Variants in CELSR1 observed in about 807,000 individuals in gnomAD.
CELSR1 encodes adhesion G protein-coupled receptor C1.
A neutral mutation model predicts 249.1 loss-of-function variants in CELSR1; 110 were observed. The observed-to-expected ratio is 0.44, with a 90% CI of 0.38 to 0.52. The LOEUF is 0.52. Ranked by LOEUF, CELSR1 falls within the 20% of genes least tolerant of loss-of-function variation. The pLI is 0.00. For synonymous variants in CELSR1, 2,113 were observed against 1,900.0 expected (o/e 1.11, Z -2.92); for missense variants, 4,109 against 4,296.4 (o/e 0.96, Z 1.22).
intron 1 of CELSR1, among the ~76,000 whole-genome samples, chr22:46,514,089 G>A (rs905926857): frequency 8.6e-5 from 13 of 151,942 alleles, no homozygotes; most frequent in African/African-American, 1.5e-4. Context: ...CACCGCACCC[G>A]GCCCTCATTT....
rs1414204394 is a variant in CELSR1, at chr22:46,381,499, G to A, written c.7088+347C>T. On this transcript the variant is annotated intron_variant, in intron 21 of 34. Transcript: ENST00000674500. The surrounding 1 kb of genome is among the most constrained non-coding windows in gnomAD (Gnocchi z 6.0). ...CTGAGCAGACCTAACCCCGGGGCCA[G>A]CAGCAGGCACTACCCATGACAGCCT... 6.6e-6 allele frequency among the ~76,000 whole-genome samples: 1 copy of A among 152,214 alleles called. No homozygotes were observed. The highest frequency in any genetic ancestry group is 1.9e-4 in the East Asian group (1 of 5,200).
intron 1 of CELSR1, among the ~76,000 whole-genome samples, chr22:46,479,115 A>T (rs2080240360): frequency 6.6e-6 from 1 of 150,806 alleles, no homozygotes; most frequent in Non-Finnish European, 1.5e-5. Context: ...CACTATCTCC[A>T]TCTTCCTCTT....
At chr22:46,523,133 A>G (rs2080702539) in intron 1 of CELSR1, among the ~76,000 whole-genome samples, 1 of 152,264 alleles carries the variant, frequency 6.6e-6, no homozygotes, top group African/African-American at 2.4e-5. Context: ...AGTTGCTGTT[A>G]GTTTACTTTA....
At chr22:46,483,057 C>G (rs745987214) in intron 1 of CELSR1, among the ~76,000 whole-genome samples, 3 of 152,154 alleles carry the variant, frequency 2.0e-5, no homozygotes, top group Non-Finnish European at 2.9e-5. Flanking sequence ...CTACCTCACA[C>G]CAAGCACAAA....
chr22:46,453,814 G>A (rs984631477), intron 2 of CELSR1, among the ~76,000 whole-genome samples: 7 of 152,198 alleles, frequency 4.6e-5, no homozygotes, highest in Non-Finnish European at 4.4e-5. Context: ...CCACAGCGCC[G>A]ATGGTGGGAC....
At chr22:46,414,345 G>A (rs1373427278) in intron 5 of CELSR1, among the ~76,000 whole-genome samples, 3 of 152,232 alleles carry the variant, frequency 2.0e-5, no homozygotes, top group African/African-American at 7.2e-5. Flanking sequence ...TGGAGAGCTG[G>A]AAGAACCAGC....
rs1463116971 is a variant in CELSR1, at chr22:46,535,911, C to T, written c.1260G>A (p.Ala420=). The T allele has an allele frequency of 3.1e-6, 5 of 1,608,790 alleles. No homozygotes were observed. Among genetic ancestry groups the T allele is most frequent in the East Asian group, 2.2e-5 (1 of 44,840 alleles). The change falls in exon 1 of 35, where the codon GCG becomes GCA. Residue 420 remains alanine (A), a synonymous_variant. Transcript: ENST00000674500. Reference sequence around the variant, plus strand: ...CCTCCACCAGGAGCTGGTACTCGGCCGCCTCCTCCCGGTCCAGCACCGCCC... The same window carrying T: ...CCTCCACCAGGAGCTGGTACTCGGCTGCCTCCTCCCGGTCCAGCACCGCCC... The part of the protein sequence containing the change: ...STRAVLDREE[A]AEYQLLVEAN...
chr22:46,369,508 T>A (rs2078826898), intron 26 of CELSR1, among the ~76,000 whole-genome samples, 184 bp downstream of exon 26: 1 of 152,200 alleles, frequency 6.6e-6, no homozygotes, highest in Non-Finnish European at 1.5e-5. Context: ...ACGCGAGACC[T>A]GAATCCACGA....
chr22:46,514,932 G>C (rs2080611526), intron 1 of CELSR1, among the ~76,000 whole-genome samples: 1 of 152,146 alleles, frequency 6.6e-6, no homozygotes, highest in South Asian at 2.1e-4. Context: ...TTTGCAGCTG[G>C]CATCCGCTCC....
rs532388404 is a variant in CELSR1 at position 46,474,025 on chromosome 22, AGG to A, written c.3545-9682_3545-9681del. Among the ~76,000 whole-genome samples, 152 of 152,258 alleles carry A rather than the reference AGG, an allele frequency of 1.0e-3. 1 individual carries two copies. The highest frequency in any genetic ancestry group is 3.4e-3 in the African/African-American group (143 of 41,544). ...GCATGTCAGGATGTCAAGCCACGAGAGGAAGAGTGAGCCTCGGACCCAGGAGA... is the reference window on the plus strand; with the variant it reads ...GCATGTCAGGATGTCAAGCCACGAGAAAGAGTGAGCCTCGGACCCAGGAGA... On this transcript the variant is annotated intron_variant, in intron 1 of 34. Coordinates refer to ENST00000674500, the MANE Select transcript of CELSR1 (RefSeq NM_001378328.1).
rs540089721 is a variant in CELSR1, at chr22:46,515,084, G to A, written c.3544+18543C>T. On this transcript the variant is annotated intron_variant, in intron 1 of 34. Coordinates refer to ENST00000674500, the MANE Select transcript of CELSR1 (RefSeq NM_001378328.1). ...CTTCAGCCTGGGCTGAGAAAAGGCT[G>A]TCTGGCAGCGTGGACCCCCCTCAGC... 3.9e-5 allele frequency among the ~76,000 whole-genome samples: 6 copies of A among 151,956 alleles called. No individual in the cohort carries two copies. In the South Asian group the frequency reaches 1.2e-3, roughly 32 times the overall value.
chr22:46,474,729 C>G (rs918416212), intron 1 of CELSR1, among the ~76,000 whole-genome samples: 1 of 72,916 alleles, frequency 1.4e-5, no homozygotes, highest in African/African-American at 5.0e-5. Context: ...CTCCCCAACC[C>G]CCTCTTCCTC....
chr22:46,416,626 C>T (rs1602105636), intron 5 of CELSR1, among the ~76,000 whole-genome samples: 1 of 152,344 alleles, frequency 6.6e-6, no homozygotes, highest in African/African-American at 2.4e-5. Context: ...ATGCTCACTC[C>T]TGCAGCCACC....
intron 5 of CELSR1, among the ~76,000 whole-genome samples, chr22:46,418,714 G>T (rs372946751): frequency 1.4e-4 from 22 of 152,290 alleles, no homozygotes; most frequent in African/African-American, 5.1e-4. Context: ...AGTAATGCAC[G>T]GTGCTATTAG....
intron 1 of CELSR1, among the ~76,000 whole-genome samples, chr22:46,483,425 T>A (rs2080286429): frequency 7.8e-6 from 1 of 128,468 alleles, no homozygotes; most frequent in African/African-American, 2.9e-5. Context: ...AGCGTCTCGC[T>A]CTGTCACCCA....
intron 5 of CELSR1, among the ~76,000 whole-genome samples, chr22:46,418,609 A>G (rs1252449261): frequency 2.0e-5 from 3 of 152,250 alleles, no homozygotes; most frequent in Non-Finnish European, 4.4e-5. Flanking sequence ...CTGAACCCGC[A>G]GGCTCTTCTC....
chr22:46,514,064 A>G (rs187315483), intron 1 of CELSR1, among the ~76,000 whole-genome samples: 4 of 152,196 alleles, frequency 2.6e-5, no homozygotes, highest in Admixed American at 2.0e-4. Flanking sequence ...AAGTGCTGGT[A>G]TTACAGGCAC....
rs575200389 is a variant in CELSR1, at chr22:46,433,190, CTAATTTTT to C, written c.4611+195_4611+202del. Among the ~76,000 whole-genome samples, 254 of 152,242 alleles carry C rather than the reference CTAATTTTT, an allele frequency of 1.7e-3. 2 individuals are homozygous for C. The highest frequency in any genetic ancestry group is 5.7e-3 in the African/African-American group (237 of 41,540). On this transcript the variant is annotated intron_variant, in intron 5 of 34. Transcript: ENST00000674500. This position sits in a 1 kb window ranked among gnomAD's most constrained non-coding sequence, Gnocchi z 5.7. The stretch of plus-strand genomic sequence containing the variant: ...TACAGGCACCCGCCACCACGCCCGG[CTAATTTTT>C]TAATTTTTGTATTTTTGGTAGAGAC...
rs774168066 is a variant in CELSR1, at chr22:46,374,541, G to A, written c.7585-1484C>T. Among the ~76,000 whole-genome samples, 3 of 152,226 alleles carry A rather than the reference G, an allele frequency of 2.0e-5. No homozygotes were observed. The highest frequency in any genetic ancestry group is 4.4e-5 in the Non-Finnish European group (3 of 68,046). On this transcript the variant is annotated intron_variant, in intron 24 of 34. Transcript: ENST00000674500. This position sits in a 1 kb window ranked among gnomAD's most constrained non-coding sequence, Gnocchi z 4.3. Reference sequence around the variant, plus strand: ...CACTCTGCCAAGCCCCTAGAACGCTGCCGGGTCGCCCTTTCCTTCTCCATG... The same window carrying A: ...CACTCTGCCAAGCCCCTAGAACGCTACCGGGTCGCCCTTTCCTTCTCCATG...
Sources: gnomAD v4.1 joint callset for allele counts (sites outside exome capture counted in the v4.1 genomes callset) on GRCh38, gnomAD v4.1.1 for gene constraint, Gnocchi (gnomAD v3.1) non-coding constraint, MANE v1.5 for transcripts, NCBI Gene and HGNC (gene_info 2026-07-23, HGNC 2026-07-21) for gene names.